NRXN1: variants seen among roughly 807,000 people sequenced by gnomAD.
NRXN1 encodes neurexin-1.
NRXN1 carries 39 observed loss-of-function variants against 150.9 expected under a neutral mutation model. The ratio of observed to expected loss-of-function variants is 0.26; its 90% CI spans 0.20 to 0.34. The LOEUF is 0.34. Among genes scored for constraint, NRXN1 ranks in the 10% least tolerant of loss-of-function variants. The pLI, the probability that NRXN1 is intolerant of heterozygous loss-of-function variation, is 1.00. For synonymous variants in NRXN1, 924 were observed against 757.0 expected (o/e 1.22, Z -3.62); for missense variants, 1,815 against 1,949.9 (o/e 0.93, Z 1.30).
intron 21 of NRXN1, among the ~76,000 whole-genome samples, chr2:50,039,717 T>A (rs1690628290): frequency 6.6e-6 from 1 of 152,068 alleles, no homozygotes; most frequent in South Asian, 2.1e-4. Context: ...TTGATAGAAT[T>A]AAAACTGTGA....
intron 13 of NRXN1, among the ~76,000 whole-genome samples, chr2:50,503,498 T>C (rs1483958176): frequency 6.9e-6 from 1 of 145,586 alleles, no homozygotes; most frequent in Admixed American, 6.9e-5. Context: ...ATAGCAATAG[T>C]GGGTCTACAA....
chr2:50,086,845 A>AGAGAGAGAGAGAGAGAGAGAGAAG (rs4032305), intron 19 of NRXN1, among the ~76,000 whole-genome samples: 5 of 150,820 alleles, frequency 3.3e-5, no homozygotes, highest in African/African-American at 1.2e-4. Flanking sequence ...AGAGAGAGAG[A>AGAGAGAGAGAGAGAGAGAGAGAAG]GAGAGCGAGC....
intron 21 of NRXN1, among the ~76,000 whole-genome samples, chr2:49,977,897 G>A (rs1679263972): frequency 6.6e-6 from 1 of 152,114 alleles, no homozygotes; most frequent in Admixed American, 6.6e-5. Flanking sequence ...GCGGGGCGGT[G>A]GCTCACCTGT....
chr2:50,626,737 T>C (rs57065286), intron 5 of NRXN1, among the ~76,000 whole-genome samples: 7,899 of 152,006 alleles, frequency 0.052, 682 homozygotes, highest in African/African-American at 0.18. Context: ...CTAATAAATA[T>C]TGATACACTC....
intron 19 of NRXN1, among the ~76,000 whole-genome samples, chr2:50,089,726 G>A (rs1461439243): frequency 6.6e-6 from 1 of 151,570 alleles, no homozygotes; most frequent in African/African-American, 2.4e-5. Context: ...GGAGTTTGAG[G>A]TTACAGTGAG....
At chr2:50,091,191 G>T in intron 19 of NRXN1, 132 bp downstream of exon 19, 1 of 1,005,742 alleles carries the variant, frequency 9.9e-7, no homozygotes, top group Non-Finnish European at 1.5e-6. Context: ...ACATTCACAT[G>T]ACTCTAAAGT....
At chr2:50,594,910 T>C (rs1674897965) in intron 8 of NRXN1, among the ~76,000 whole-genome samples, 1 of 152,064 alleles carries the variant, frequency 6.6e-6, no homozygotes, top group South Asian at 2.1e-4. Flanking sequence ...CCAACTCATT[T>C]ATTCATTATT....
chr2:50,893,070 T>C (rs988448205), intron 5 of NRXN1, among the ~76,000 whole-genome samples: 1 of 152,134 alleles, frequency 6.6e-6, no homozygotes. Context: ...GCTGAGAGCC[T>C]ATCAGATCTG....
chr2:50,359,210 A>G (rs924853001), intron 17 of NRXN1, among the ~76,000 whole-genome samples: 1 of 151,716 alleles, frequency 6.6e-6, no homozygotes, highest in African/African-American at 2.4e-5. Context: ...CCTTCAAAGG[A>G]CCACAGCCCC....
intron 5 of NRXN1, among the ~76,000 whole-genome samples, chr2:50,779,654 G>T (rs1261301149): frequency 2.0e-5 from 3 of 152,096 alleles, no homozygotes; most frequent in African/African-American, 7.2e-5. Flanking sequence ...TGTAGTCCCA[G>T]CTACTTGGGA....
chr2:50,264,885 T>C (rs1344823046), intron 17 of NRXN1, among the ~76,000 whole-genome samples: 3 of 152,102 alleles, frequency 2.0e-5, no homozygotes, highest in Admixed American at 1.3e-4. Flanking sequence ...ATGTCATCAC[T>C]AGGACCAGCA....
rs192654324 is a variant in NRXN1 at position 50,439,099 on chromosome 2, G to A, written c.3364+26343C>T. Among the ~76,000 whole-genome samples, 61 of 152,254 alleles carry A rather than the reference G, an allele frequency of 4.0e-4. 1 individual carries two copies. The highest frequency in any genetic ancestry group is 1.4e-3 in the African/African-American group (57 of 41,552). ...AAGCCAAAATTGTGTCTGTAGGATC[G>A]GTGGCTCTCTTGTCCTGCCAAAAGA... On this transcript the variant is annotated intron_variant, in intron 17 of 22. Transcript: ENST00000401669.
chr2:50,884,369 A>G (rs1210942095), intron 5 of NRXN1, among the ~76,000 whole-genome samples: 1 of 151,804 alleles, frequency 6.6e-6, no homozygotes, highest in Non-Finnish European at 1.5e-5. Context: ...ACATATTAAC[A>G]GTACCTAAAT....
chr2:50,564,204 C>T (rs1439043022), intron 8 of NRXN1, among the ~76,000 whole-genome samples: 1 of 152,138 alleles, frequency 6.6e-6, no homozygotes, highest in African/African-American at 2.4e-5. Flanking sequence ...ATTATGAAAA[C>T]TTATTTTGCA....
chr2:51,002,091 A>C (rs2105099008), intron 2 of NRXN1, among the ~76,000 whole-genome samples: 1 of 152,138 alleles, frequency 6.6e-6, no homozygotes, highest in Admixed American at 6.6e-5. Flanking sequence ...AACCTAGCAC[A>C]AAATACACAG....
At chr2:50,591,687 G>C (rs1674284861) in intron 8 of NRXN1, among the ~76,000 whole-genome samples, 1 of 152,204 alleles carries the variant, frequency 6.6e-6, no homozygotes, top group African/African-American at 2.4e-5. Context: ...GCTGACGACA[G>C]CGAGGCCTCT....
At chr2:50,373,705 AAGAAAGAGAAAGAAAGAC>A (rs1454294145) in intron 17 of NRXN1, among the ~76,000 whole-genome samples, 4 of 137,774 alleles carry the variant, frequency 2.9e-5, no homozygotes, top group East Asian at 2.6e-4. Flanking sequence ...GAAAGAAAGA[AAGAAAGAGAAAGAAAGAC>A]AGACAGACTA....
At chr2:50,777,496 C>A (rs1289254773) in intron 5 of NRXN1, among the ~76,000 whole-genome samples, 2 of 152,054 alleles carry the variant, frequency 1.3e-5, no homozygotes, top group African/African-American at 2.4e-5. Flanking sequence ...CTTTGGAGAC[C>A]AGCCTATGTT....
intron 2 of NRXN1, among the ~76,000 whole-genome samples, chr2:50,938,313 A>G (rs1688849938): frequency 6.6e-6 from 1 of 152,196 alleles, no homozygotes; most frequent in African/African-American, 2.4e-5. Context: ...TTTCAGGTCC[A>G]TTACAATCTT....
Sources: allele counts gnomAD v4.1 joint callset (sites outside exome capture counted in the v4.1 genomes callset), GRCh38; gene constraint gnomAD v4.1.1; transcripts MANE v1.5; gene names NCBI Gene and HGNC (gene_info 2026-07-23, HGNC 2026-07-21).